Variants in NFIA observed in about 807,000 individuals in gnomAD.
NFIA encodes nuclear factor I A.
Under a neutral mutation model 62.8 loss-of-function variants are expected in NFIA, and 8 were observed. The observed-to-expected ratio is 0.13, with a 90% CI of 0.07 to 0.23. The LOEUF (loss-of-function observed/expected upper bound fraction) is 0.23. NFIA is among the 10% of genes least tolerant of loss of function. The pLI, the probability that NFIA is intolerant of heterozygous loss-of-function variation, is 1.00. For missense variants in NFIA, 410 were observed against 642.1 expected (o/e 0.64, Z 3.91); for synonymous variants, 235 against 238.1 (o/e 0.99, Z 0.12).
chr1:61,340,240 G>A (rs78065237), intron 4 of NFIA, among the ~76,000 whole-genome samples: 2,746 of 152,224 alleles, frequency 0.018, 73 homozygotes, highest in African/African-American at 0.059. Context: ...GTGTTGTCAT[G>A]GTCTCTATTC....
intron 2 of NFIA, among the ~76,000 whole-genome samples, chr1:61,242,998 C>G (rs1414767924): frequency 6.6e-6 from 1 of 151,644 alleles, no homozygotes; most frequent in Non-Finnish European, 1.5e-5. Context: ...AGAAATGTGA[C>G]TTTTCGGTCC....
In NFIA at chr1:61,405,398, C is replaced by T. The variant is rs201392662; in HGVS notation, c.1254+1116C>T. On this transcript the variant is annotated intron_variant, in intron 8 of 10. Coordinates refer to ENST00000403491, the MANE Select transcript of NFIA (RefSeq NM_001134673.4). ...AAAGCACAGCATTCTGATCGTCAGA[C>T]GAGGTAGTCTTTGAGGAGCAATACT... Among the ~76,000 whole-genome samples the T allele has an allele frequency of 9.9e-5, 15 of 152,272 alleles. No individual in the cohort carries two copies. In the East Asian group the frequency reaches 1.2e-3, roughly 12 times the overall value.
upstream of NFIA, among the ~76,000 whole-genome samples, chr1:61,078,122 G>C (rs1449903134): frequency 6.6e-6 from 1 of 152,078 alleles, no homozygotes; most frequent in Non-Finnish European, 1.5e-5. Context: ...GTGTACAATA[G>C]TTCTCAATAG....
chr1:61,265,963 C>G lies in NFIA; in HGVS notation c.560-11557C>G, dbSNP rs185812221. 1.1e-4 allele frequency among the ~76,000 whole-genome samples: 17 copies of G among 152,294 alleles called. No homozygotes were observed. In the East Asian group the frequency reaches 3.3e-3, roughly 29 times the overall value. On this transcript the variant is annotated intron_variant, in intron 2 of 10. Coordinates refer to ENST00000403491, the MANE Select transcript of NFIA (RefSeq NM_001134673.4). ...TGTTATTTCTAATTGCACTTATGAT[C>G]AGCAGCAAATAAGCAAATATCACTC...
intron 2 of NFIA, among the ~76,000 whole-genome samples, chr1:61,250,776 A>G (rs1169421914): frequency 6.6e-6 from 1 of 152,234 alleles, no homozygotes; most frequent in Non-Finnish European, 1.5e-5. Context: ...GTTTTTTCTT[A>G]GAAGTAAGAA....
chr1:61,241,252 T>C (rs1314080110), intron 2 of NFIA, among the ~76,000 whole-genome samples: 4 of 152,130 alleles, frequency 2.6e-5, no homozygotes, highest in Non-Finnish European at 4.4e-5. Context: ...TCTTTCCTTA[T>C]ACCTTCCACT....
chr1:61,195,931 T>G (rs113669692), intron 2 of NFIA, among the ~76,000 whole-genome samples: 2,160 of 152,182 alleles, frequency 0.014, 68 homozygotes, highest in African/African-American at 0.049. Context: ...TCTTACAGAG[T>G]AACTGAATTT....
At chr1:61,273,466 C>T (rs1657634236) in intron 2 of NFIA, among the ~76,000 whole-genome samples, 1 of 152,124 alleles carries the variant, frequency 6.6e-6, no homozygotes, top group Non-Finnish European at 1.5e-5. Flanking sequence ...AGGCATCAAG[C>T]AGAGATAGAG....
chr1:61,452,719 G>A (rs902612825), intron 10 of NFIA, among the ~76,000 whole-genome samples: 1 of 152,156 alleles, frequency 6.6e-6, no homozygotes, highest in African/African-American at 2.4e-5. Flanking sequence ...GAGTTGCAGC[G>A]TGCAGCCCAA....
intron 10 of NFIA, among the ~76,000 whole-genome samples, chr1:61,452,785 A>G (rs1482843168): frequency 6.6e-6 from 1 of 152,228 alleles, no homozygotes; most frequent in South Asian, 2.1e-4. Context: ...AGTAACTCTG[A>G]GAGTGTGTGG....
intron 2 of NFIA, among the ~76,000 whole-genome samples, chr1:61,197,158 T>C (rs11207712): frequency 0.33 from 49,226 of 151,314 alleles, 9,182 homozygotes; most frequent in East Asian, 0.57. Context: ...AATTTCATTA[T>C]GTAATGGCTA....
At chr1:61,284,394 G>A (rs543969943) in intron 3 of NFIA, among the ~76,000 whole-genome samples, 1 of 152,172 alleles carries the variant, frequency 6.6e-6, no homozygotes, top group Non-Finnish European at 1.5e-5. Flanking sequence ...ACCCATCATT[G>A]TTTGCAAAGG....
Position 61,088,081 on chromosome 1 carries a change from C to G in NFIA, c.28-68C>G. ...GAGGAATTTCTTTCTTAAGGTGACC[C>G]GCTGAAGAAAAGTTGTTTTCTTTTG... On this transcript the variant is annotated intron_variant, in intron 1 of 10. Coordinates refer to ENST00000403491, the MANE Select transcript of NFIA (RefSeq NM_001134673.4). The surrounding 1 kb of genome is among the most constrained non-coding windows in gnomAD (Gnocchi z 4.5). 1 of 1,446,644 alleles carries G rather than the reference C, an allele frequency of 6.9e-7. No individual in the cohort carries two copies. Among genetic ancestry groups the G allele is most frequent in the East Asian group, 2.3e-5 (1 of 43,860 alleles). The allele number at this position is 1,446,644 out of a possible 1,614,324, so 89.6% of individuals were successfully genotyped here.
chr1:61,355,783 C>T (rs1569587014), intron 5 of NFIA, among the ~76,000 whole-genome samples: 2 of 152,096 alleles, frequency 1.3e-5, no homozygotes, highest in Admixed American at 6.5e-5. Context: ...GACAAGGTCT[C>T]GCTATGTTGC....
At chr1:61,197,837 C>T (rs949837721) in intron 2 of NFIA, among the ~76,000 whole-genome samples, 10 of 151,706 alleles carry the variant, frequency 6.6e-5, no homozygotes, top group African/African-American at 1.9e-4. Flanking sequence ...AAAAATTAGC[C>T]GGGCTTGGTG....
At chr1:61,260,906 C>T (rs907105246) in intron 2 of NFIA, among the ~76,000 whole-genome samples, 1 of 152,142 alleles carries the variant, frequency 6.6e-6, no homozygotes, top group African/African-American at 2.4e-5. Flanking sequence ...GTTTCCACTT[C>T]CTTGGTTGCT....
chr1:61,408,057 C>T (rs1665932786), intron 9 of NFIA, among the ~76,000 whole-genome samples: 1 of 152,180 alleles, frequency 6.6e-6, no homozygotes, highest in African/African-American at 2.4e-5. Flanking sequence ...CCCTCATGGA[C>T]ACATCAGAGA....
intron 2 of NFIA, among the ~76,000 whole-genome samples, chr1:61,229,818 T>C (rs1654558943): frequency 6.6e-6 from 1 of 152,212 alleles, no homozygotes; most frequent in African/African-American, 2.4e-5. Flanking sequence ...TGATTCCAAA[T>C]TTTTTAAAAC....
upstream of NFIA, among the ~76,000 whole-genome samples, chr1:61,080,214 C>CG (rs1362217846): frequency 6.6e-6 from 1 of 151,832 alleles, no homozygotes; most frequent in Non-Finnish European, 1.5e-5. Flanking sequence ...CTGGAAATCG[C>CG]GGGGCACATC....
Sources: gnomAD v4.1 joint callset for allele counts (sites outside exome capture counted in the v4.1 genomes callset) on GRCh38, gnomAD v4.1.1 for gene constraint, Gnocchi (gnomAD v3.1) non-coding constraint, MANE v1.5 for transcripts, NCBI Gene and HGNC (gene_info 2026-07-23, HGNC 2026-07-21) for gene names.